Variants in GORAB observed in about 807,000 individuals in gnomAD.
The protein encoded by GORAB is RAB6-interacting golgin.
Under a neutral mutation model 29.9 loss-of-function variants are expected in GORAB, and 17 were observed. That is an observed-to-expected ratio of 0.57 (90% CI 0.39 to 0.85). GORAB has a LOEUF of 0.85. Among genes scored for constraint, GORAB ranks in the 40% least tolerant of loss-of-function variants. GORAB has a pLI of 0.00. For missense variants in GORAB, 442 were observed against 437.8 expected (o/e 1.01, Z -0.09); for synonymous variants, 183 against 157.2 (o/e 1.16, Z -1.23).
At chr1:170,539,023 A>G (rs995630780) in intron 1 of GORAB, 187 bp from the exon 2 acceptor site, 2 of 660,292 alleles carry the variant, frequency 3.0e-6, no homozygotes, top group Non-Finnish European at 2.5e-6. Flanking sequence ...TATTAACATT[A>G]TGATCTGAAA....
chr1:170,553,070 G>A lies in GORAB; in HGVS notation c.*608G>A. 1 of 453,748 alleles carries A rather than the reference G, an allele frequency of 2.2e-6. No individual in the cohort carries two copies. The highest frequency in any genetic ancestry group is 1.6e-5 in the South Asian group (1 of 64,312). The allele number at this position is 453,748 out of a possible 1,614,324, so 28.1% of individuals were successfully genotyped here. A position where few individuals can be genotyped will look rare whatever the true frequency, so the allele number is the denominator to read the frequency against. ...TTCAATTTGCCTTCCAGTGATTTTAGTTTACAACCTGCGTTTTGTTATTTG... is the reference window on the plus strand; with the variant it reads ...TTCAATTTGCCTTCCAGTGATTTTAATTTACAACCTGCGTTTTGTTATTTG... On this transcript the variant is annotated 3_prime_UTR_variant, in exon 5 of 5. Transcript: ENST00000367763.
chr1:170,545,623 T>A (rs1649710683), intron 4 of GORAB: 1 of 985,296 alleles, frequency 1.0e-6, no homozygotes, highest in African/African-American at 1.7e-5. Flanking sequence ...CACAAGGGAA[T>A]GCTGTGTTAA....
chr1:170,536,863 G>A, intron 1 of GORAB, among the ~76,000 whole-genome samples: 1 of 152,212 alleles, frequency 6.6e-6, no homozygotes, highest in South Asian at 2.1e-4. Flanking sequence ...ATACTTTTTA[G>A]AAATATTTGT....
intron 4 of GORAB, chr1:170,545,282 A>G (rs558034388): frequency 1.0e-6 from 1 of 985,236 alleles, no homozygotes; most frequent in African/African-American, 1.7e-5. Context: ...TCCTCACTTT[A>G]GCTTTCATCA....
intron 2 of GORAB, among the ~76,000 whole-genome samples, chr1:170,540,802 A>G (rs1218109106): frequency 6.6e-6 from 1 of 152,220 alleles, no homozygotes; most frequent in South Asian, 2.1e-4. Context: ...TTGAGGTTTT[A>G]AGGAGGAGAA....
In GORAB at chr1:170,552,508, C is replaced by CT; in HGVS notation, c.*51dup. 1 of 1,497,512 alleles carries CT rather than the reference C, an allele frequency of 6.7e-7. No individual in the cohort carries two copies. Among genetic ancestry groups the CT allele is most frequent in the Non-Finnish European group, 9.3e-7 (1 of 1,077,110 alleles). 92.8% of individuals were successfully genotyped at this position (1,497,512 alleles called of 1,614,324 possible). On this transcript the variant is annotated 3_prime_UTR_variant, in exon 5 of 5. Transcript: ENST00000367763. ...CTAATATGGTATTGAGTAAAGTATACTTTTTGCAGTAGATCATGCCCTGAC... is the reference window on the plus strand; with the variant it reads ...CTAATATGGTATTGAGTAAAGTATACTTTTTTGCAGTAGATCATGCCCTGAC...
chr1:170,546,112 C>T (rs573339628), intron 4 of GORAB, among the ~76,000 whole-genome samples: 18 of 152,118 alleles, frequency 1.2e-4, no homozygotes, highest in African/African-American at 1.9e-4. Flanking sequence ...AATTTGAGGC[C>T]GGGCACGGTG....
intron 1 of GORAB, chr1:170,532,711 AAGG>A (rs960043243): frequency 3.2e-5 from 6 of 189,750 alleles, no homozygotes; most frequent in South Asian, 9.7e-5. Flanking sequence ...GGTTGGAAAA[AAGG>A]AGCACAGGCG....
chr1:170,532,698 G>A, intron 1 of GORAB: 1 of 191,190 alleles, frequency 5.2e-6, no homozygotes, highest in African/African-American at 2.3e-5. Flanking sequence ...TATAGAAGCA[G>A]ATGGTTGGAA....
At chr1:170,541,203 C>CAA (rs67384213) in intron 2 of GORAB, among the ~76,000 whole-genome samples, 8,925 of 41,186 alleles carry the variant, frequency 0.22, 183 homozygotes, top group Non-Finnish European at 0.25. Flanking sequence ...GATTCTGTCC[C>CAA]AAAAAAAAAA....
intron 2 of GORAB, among the ~76,000 whole-genome samples, chr1:170,539,902 ATAAG>A (rs1184228121): frequency 3.9e-5 from 6 of 152,078 alleles, no homozygotes; most frequent in African/African-American, 1.4e-4. Flanking sequence ...AGATTTACAG[ATAAG>A]TCTGTCTGGA....
chr1:170,537,124 CCTCT>C, intron 1 of GORAB, among the ~76,000 whole-genome samples: 1 of 152,016 alleles, frequency 6.6e-6, no homozygotes. Context: ...TCCCTCCCTC[CCTCT>C]TTCATTCCTT....
intron 1 of GORAB, chr1:170,532,502 A>G: frequency 1.8e-6 from 1 of 559,432 alleles, no homozygotes; most frequent in South Asian, 2.0e-5. Flanking sequence ...TTTTAGAAAA[A>G]ACGGTCCAGG....
intron 2 of GORAB, among the ~76,000 whole-genome samples, chr1:170,541,030 T>C (rs561636238): frequency 6.6e-6 from 1 of 152,026 alleles, no homozygotes; most frequent in Middle Eastern, 3.4e-3. Context: ...GGGGAAACCC[T>C]GTCTCTACCA....
rs1650214636 is a variant in GORAB at position 170,552,859 on chromosome 1, C to CT, written c.*398dup. ...GGGAGACGTATTAAGACTGGAAGTC[C>CT]TATTTTATTTAATCAGTATCAGTAA... On this transcript the variant is annotated 3_prime_UTR_variant, in exon 5 of 5. Coordinates refer to ENST00000367763, the MANE Select transcript of GORAB (RefSeq NM_152281.3). 1 of 452,836 alleles carries CT rather than the reference C, an allele frequency of 2.2e-6. No homozygotes were observed. The highest frequency in any genetic ancestry group is 2.0e-5 in the African/African-American group (1 of 49,824). 28.1% of individuals were successfully genotyped at this position (452,836 alleles called of 1,614,324 possible). A position where few individuals can be genotyped will look rare whatever the true frequency, so the allele number is the denominator to read the frequency against.
In GORAB at chr1:170,552,336, G is replaced by A; in HGVS notation, c.984G>A (p.Lys328=). 1 of 1,614,144 alleles carries A rather than the reference G, an allele frequency of 6.2e-7. No individual in the cohort carries two copies. Among genetic ancestry groups the A allele is most frequent in the Non-Finnish European group, 8.5e-7 (1 of 1,179,974 alleles). The change falls in exon 5 of 5, where the codon AAG becomes AAA. Residue 328 remains lysine (K), a synonymous_variant. Transcript: ENST00000367763. ...VTLEFAKENR[K]CQEQAVSPKV... is the part of the protein sequence containing the mutation. ...TAGAATTTGCTAAAGAGAACAGAAA[G>A]TGTCAAGAACAAGCTGTTTCCCCAA...
At chr1:170,546,615 G>A (rs567002894) in intron 4 of GORAB, among the ~76,000 whole-genome samples, 80 of 152,272 alleles carry the variant, frequency 5.3e-4, no homozygotes, top group Non-Finnish European at 3.4e-4. Flanking sequence ...AGTTACAGAT[G>A]ACAGTTTCTC....
rs200333798 is a variant in GORAB at position 170,539,336 on chromosome 1, A to G, written c.188A>G (p.Glu63Gly). The change falls in exon 2 of 5, where the codon GAG becomes GGG. Residue 63 changes from glutamate to glycine, a missense_variant. By Grantham distance (98) the Glu-to-Gly change is moderately conservative (BLOSUM62 -2). Coordinates refer to ENST00000367763, the MANE Select transcript of GORAB (RefSeq NM_152281.3). ...LQDGSTSLLP[E>G]QLLSAPKQRV... ...GATGGATCAACCTCATTACTTCCAG[A>G]GCAGCTGCTTTCAGCACCAAAACAG... 7.0e-5 allele frequency: 113 copies of G among 1,614,108 alleles called. No homozygotes were observed. Among genetic ancestry groups the G allele is most frequent in the Non-Finnish European group, 8.9e-5 (105 of 1,180,038 alleles).
chr1:170,532,608 C>A, intron 1 of GORAB: 1 of 344,940 alleles, frequency 2.9e-6, no homozygotes, highest in Non-Finnish European at 5.6e-6. Flanking sequence ...AAGATTGCTG[C>A]AGGAATCAAC....
Sources: allele counts gnomAD v4.1 joint callset (sites outside exome capture counted in the v4.1 genomes callset), GRCh38; gene constraint gnomAD v4.1.1; transcripts MANE v1.5; gene names NCBI Gene and HGNC (gene_info 2026-07-23, HGNC 2026-07-21).